CDH8: variants seen among roughly 807,000 people sequenced by gnomAD.
CDH8 encodes the protein cadherin 8.
Under a neutral mutation model 68.1 loss-of-function variants are expected in CDH8, and 17 were observed. The ratio of observed to expected loss-of-function variants is 0.25; its 90% CI spans 0.17 to 0.37. CDH8 has a LOEUF of 0.37. Among genes scored for constraint, CDH8 ranks in the 10% least tolerant of loss-of-function variants. The pLI is 1.00. For synonymous variants in CDH8, 372 were observed against 365.1 expected, an observed-to-expected ratio of 1.02 and a Z score of -0.21; for missense variants, 763 against 999.3, an observed-to-expected ratio of 0.76 and a Z score of 3.19.
At chr16:61,994,759 C>G (rs1005746773) in intron 2 of CDH8, among the ~76,000 whole-genome samples, 10 of 57,612 alleles carry the variant, frequency 1.7e-4, no homozygotes, top group African/African-American at 1.2e-3. Flanking sequence ...TTTAACAAAT[C>G]CTCCTACATG....
chr16:61,834,426 G>A (rs1157665297), intron 4 of CDH8, among the ~76,000 whole-genome samples: 1 of 151,906 alleles, frequency 6.6e-6, no homozygotes, highest in African/African-American at 2.4e-5. Context: ...ATGCTAGTGA[G>A]GTGAGTGTGT....
At chr16:61,840,237 C>T (rs1443675840) in intron 4 of CDH8, among the ~76,000 whole-genome samples, 1 of 152,104 alleles carries the variant, frequency 6.6e-6, no homozygotes. Flanking sequence ...ATCAGCAAGC[C>T]ACTTTGTCTC....
Position 62,002,371 on chromosome 16 carries a change from G to A in CDH8, c.252+18781C>T, listed in dbSNP as rs138808263. Reference sequence around the variant, plus strand: ...ATTGAAGGCAAATATATTTACCTTCGGGGTTTGACTCAGCAACTTTCAGAT... The same window carrying A: ...ATTGAAGGCAAATATATTTACCTTCAGGGTTTGACTCAGCAACTTTCAGAT... On this transcript the variant is annotated intron_variant, in intron 2 of 11. Coordinates refer to ENST00000577390, the MANE Select transcript of CDH8 (RefSeq NM_001796.5). Among the ~76,000 whole-genome samples, 468 of 152,180 alleles carry A rather than the reference G, an allele frequency of 3.1e-3. 2 individuals carry two copies. Among genetic ancestry groups the A allele is most frequent in the African/African-American group, 0.01 (433 of 41,532 alleles).
At chr16:61,799,919 G>A (rs1375737606) in intron 7 of CDH8, among the ~76,000 whole-genome samples, 6 of 151,990 alleles carry the variant, frequency 3.9e-5, no homozygotes, top group African/African-American at 1.4e-4. Flanking sequence ...CCCCCCCAAA[G>A]ACAAGGTCTC....
At position 61,653,782 on chromosome 16, in the gene CDH8, G is replaced by A; in HGVS notation, c.2226C>T (p.Asp742=). 2 of 1,614,212 alleles carry A rather than the reference G, an allele frequency of 1.2e-6. No homozygotes were observed. Among genetic ancestry groups the A allele is most frequent in the Non-Finnish European group, 1.7e-6 (2 of 1,180,046 alleles). The part of the protein sequence containing the change: ...ADNDPTAPPY[D]SIQIYGYEGR... ...CTTCATAGCCATATATCTGAATGGA[G>A]TCATATGGCGGGGCCGTGGGATCAT... The change falls in exon 12 of 12, where the codon GAC becomes GAT. Residue 742 remains aspartate, a synonymous_variant. Transcript: ENST00000577390.
At chr16:61,885,364 G>A (rs113608793) in intron 3 of CDH8, among the ~76,000 whole-genome samples, 107 of 152,100 alleles carry the variant, frequency 7.0e-4, no homozygotes, top group Middle Eastern at 6.8e-3. Flanking sequence ...ATATGTACGC[G>A]GAACAAAAAG....
intron 8 of CDH8, among the ~76,000 whole-genome samples, chr16:61,744,379 C>T (rs1959959762): frequency 6.6e-6 from 1 of 151,972 alleles, no homozygotes; most frequent in African/African-American, 2.4e-5. Context: ...ACATTTCTTT[C>T]TCCTTAGTTT....
At chr16:61,672,243 G>C (rs1417386566) in intron 10 of CDH8, among the ~76,000 whole-genome samples, 4 of 151,982 alleles carry the variant, frequency 2.6e-5, no homozygotes, top group Non-Finnish European at 5.9e-5. Flanking sequence ...AACAAATCCA[G>C]AGAATTTTAG....
intron 8 of CDH8, among the ~76,000 whole-genome samples, chr16:61,780,800 C>T (rs1398185687): frequency 6.6e-6 from 1 of 152,096 alleles, no homozygotes; most frequent in African/African-American, 2.4e-5. Flanking sequence ...TTTTTAATTT[C>T]TCTGTGATCT....
chr16:61,690,377 G>A (rs920934858), intron 10 of CDH8, among the ~76,000 whole-genome samples: 3 of 151,972 alleles, frequency 2.0e-5, no homozygotes, highest in Non-Finnish European at 2.9e-5. Flanking sequence ...AAACCCTCTT[G>A]CTAAATGTGT....
chr16:61,830,181 C>A (rs1962425278), intron 4 of CDH8, among the ~76,000 whole-genome samples: 1 of 151,792 alleles, frequency 6.6e-6, no homozygotes, highest in Admixed American at 6.6e-5. Flanking sequence ...ATGAGAAACT[C>A]TGCATCCAAT....
At chr16:61,784,343 C>T (rs1039799665) in intron 8 of CDH8, among the ~76,000 whole-genome samples, 3 of 149,230 alleles carry the variant, frequency 2.0e-5, no homozygotes, top group Non-Finnish European at 4.5e-5. Flanking sequence ...ACAAAGAAGG[C>T]CATTACATAA....
chr16:61,977,752 A>G (rs576312766), intron 2 of CDH8, among the ~76,000 whole-genome samples: 1 of 152,182 alleles, frequency 6.6e-6, no homozygotes, highest in Non-Finnish European at 1.5e-5. Flanking sequence ...CTGAACTCTT[A>G]GCTTCTAATA....
intron 10 of CDH8, among the ~76,000 whole-genome samples, chr16:61,683,929 C>T (rs935257450): frequency 6.6e-6 from 1 of 152,004 alleles, no homozygotes; most frequent in African/African-American, 2.4e-5. Context: ...CAGTCACCTT[C>T]ATCACCCTAG....
At chr16:62,016,580 T>C (rs1450368885) in intron 2 of CDH8, among the ~76,000 whole-genome samples, 1 of 152,222 alleles carries the variant, frequency 6.6e-6, no homozygotes, top group African/African-American at 2.4e-5. Context: ...ATAATTGGGC[T>C]AAGTGTCCCA....
chr16:61,991,310 T>C (rs1441149120), intron 2 of CDH8, among the ~76,000 whole-genome samples: 1 of 152,192 alleles, frequency 6.6e-6, no homozygotes, highest in African/African-American at 2.4e-5. Flanking sequence ...GTGTGCTCTG[T>C]CTGTACTACA....
intron 10 of CDH8, among the ~76,000 whole-genome samples, chr16:61,663,329 T>G (rs1327714098): frequency 6.6e-6 from 1 of 152,042 alleles, no homozygotes; most frequent in Non-Finnish European, 1.5e-5. Context: ...TTTGTGTAAT[T>G]GTGTTTTTCA....
intron 3 of CDH8, among the ~76,000 whole-genome samples, chr16:61,870,114 TA>T (rs1169263778): frequency 3.9e-5 from 6 of 152,212 alleles, no homozygotes; most frequent in Admixed American, 2.6e-4. Context: ...CAGAGTGCCT[TA>T]AAAATCGATG....
intron 1 of CDH8, among the ~76,000 whole-genome samples, chr16:62,035,374 G>A (rs1376692200): frequency 6.6e-6 from 1 of 152,178 alleles, no homozygotes; most frequent in African/African-American, 2.4e-5. Context: ...CGAGTTGCGG[G>A]GAGACACTGC....
Sources: gnomAD v4.1 joint callset for allele counts (sites outside exome capture counted in the v4.1 genomes callset) on GRCh38, gnomAD v4.1.1 for gene constraint, MANE v1.5 for transcripts, NCBI Gene and HGNC (gene_info 2026-07-23, HGNC 2026-07-21) for gene names.